Variants in PCDHA13 observed in about 807,000 individuals in gnomAD.
The protein encoded by PCDHA13 is protocadherin alpha-13.
A neutral mutation model predicts 64.8 loss-of-function variants in PCDHA13; 54 were observed. The observed-to-expected ratio is 0.83, with a 90% CI of 0.67 to 1.04. PCDHA13 has a LOEUF of 1.04. Among genes scored for constraint, PCDHA13 ranks in the 50% least tolerant of loss-of-function variants. PCDHA13 has a pLI of 0.00. For missense variants in PCDHA13, 1,248 were observed against 1,254.3 expected, an observed-to-expected ratio of 0.99 and a Z score of 0.08; for synonymous variants, 587 against 564.4, an observed-to-expected ratio of 1.04 and a Z score of -0.57.
chr5:140,925,337 AT>A (rs1197479455), intron 1 of PCDHA13, among the ~76,000 whole-genome samples: 1 of 152,072 alleles, frequency 6.6e-6, no homozygotes, highest in Non-Finnish European at 1.5e-5. Flanking sequence ...TAAAAGAAGG[AT>A]TTGAGTGAGG....
Position 140,883,534 on chromosome 5 carries a change from A to G in PCDHA13, c.1266A>G (p.Glu422=). 1 of 1,614,196 alleles carries G rather than the reference A, an allele frequency of 6.2e-7. No individual in the cohort carries two copies. The highest frequency in any genetic ancestry group is 8.5e-7 in the Non-Finnish European group (1 of 1,180,040). ...ACCGCGAGAGCGTATCAGCCTATGA[A>G]CTGGTGGTGACCGCGCGGGACGGGG... ...ALDRESVSAY[E]LVVTARDGGS... is the part of the protein sequence containing the mutation. Residue 422 remains glutamate, a synonymous_variant, in exon 1 of 4, where the codon GAA becomes GAG. Transcript: ENST00000289272.
chr5:140,929,549 T>G, intron 1 of PCDHA13: 1 of 500,966 alleles, frequency 2.0e-6, no homozygotes, highest in Non-Finnish European at 3.3e-6. Context: ...GGGCAAAAAT[T>G]AAAACCTATT....
chr5:140,931,259 CTATT>C (rs1407255574), intron 1 of PCDHA13, among the ~76,000 whole-genome samples: 2 of 152,080 alleles, frequency 1.3e-5, no homozygotes, highest in African/African-American at 4.8e-5. Flanking sequence ...AGAAATTTCA[CTATT>C]TATTTCTTTT....
intron 3 of PCDHA13, among the ~76,000 whole-genome samples, chr5:140,987,422 G>A (rs1554249178): frequency 6.6e-6 from 1 of 152,152 alleles, no homozygotes; most frequent in Non-Finnish European, 1.5e-5. Flanking sequence ...CTTGTGAGAA[G>A]CAGGGGGCCT....
At chr5:140,969,493 C>T (rs1240479958) in intron 1 of PCDHA13, 5 of 1,445,166 alleles carry the variant, frequency 3.5e-6, no homozygotes, top group Non-Finnish European at 4.6e-6. Flanking sequence ...GCTATTTCCT[C>T]TCTAGAAAAA....
intron 3 of PCDHA13, among the ~76,000 whole-genome samples, chr5:140,989,792 C>T (rs1324674581): frequency 6.6e-6 from 1 of 152,142 alleles, no homozygotes; most frequent in African/African-American, 2.4e-5. Flanking sequence ...CTAGAGGCCC[C>T]CAGGAAAGGG....
rs1164447924 is a variant in PCDHA13, at chr5:141,009,514, AT to A, written c.2543-108del. The A allele has an allele frequency of 1.5e-5, 22 of 1,501,204 alleles. 1 individual carries two copies. The South Asian group carries it at 1.9e-4, about 13-fold the overall frequency. 93.0% of individuals were successfully genotyped at this position (1,501,204 alleles called of 1,614,324 possible). ...CTCAGACTTGAACAAACAACTCGTG[AT>A]TTTTCTGGGGAGGTTCAGCCTGCCT... On this transcript the variant is annotated intron_variant, in intron 3 of 3. Coordinates refer to ENST00000289272, the MANE Select transcript of PCDHA13 (RefSeq NM_018904.3).
At chr5:140,973,004 G>A (rs1183511655) in intron 1 of PCDHA13, among the ~76,000 whole-genome samples, 4 of 152,096 alleles carry the variant, frequency 2.6e-5, no homozygotes, top group African/African-American at 9.7e-5. Flanking sequence ...ATTTGTGGTC[G>A]TGGTGTTGTG....
chr5:141,000,485 T>C (rs2097941579), intron 3 of PCDHA13, among the ~76,000 whole-genome samples: 2 of 135,980 alleles, frequency 1.5e-5, no homozygotes, highest in African/African-American at 5.5e-5. Flanking sequence ...TGGAGTGCAA[T>C]GGTAAGATCT....
chr5:140,982,499 C>T lies in PCDHA13; in HGVS notation c.2478C>T (p.Gly826=). The T allele has an allele frequency of 6.2e-7, 1 of 1,614,184 alleles. No individual in the cohort carries two copies. The highest frequency in any genetic ancestry group is 8.5e-7 in the Non-Finnish European group (1 of 1,180,024). The part of the protein sequence containing the change: ...MHSSVHLEEA[G]ILRAGPGGPD... Reference sequence around the variant, plus strand: ...GCTCTGTGCACCTAGAGGAGGCTGGCATTCTACGGGCTGGTCCAGGAGGGC... The same window carrying T: ...GCTCTGTGCACCTAGAGGAGGCTGGTATTCTACGGGCTGGTCCAGGAGGGC... The change falls in exon 3 of 4, where the codon GGC becomes GGT. Residue 826 remains glycine (G), a synonymous_variant. Transcript: ENST00000289272.
chr5:140,912,359 G>A (rs1483575347), intron 1 of PCDHA13, among the ~76,000 whole-genome samples: 1 of 131,950 alleles, frequency 7.6e-6, no homozygotes, highest in Non-Finnish European at 1.6e-5. Context: ...TTTTTTTTTT[G>A]CAGCTGTTGT....
Position 140,883,521 on chromosome 5 carries a change from T to G in PCDHA13, c.1253T>G (p.Val418Gly). Reference sequence around the variant, plus strand: ...GACAGCGCCCTGGACCGCGAGAGCGTATCAGCCTATGAACTGGTGGTGACC... The same window carrying G: ...GACAGCGCCCTGGACCGCGAGAGCGGATCAGCCTATGAACTGGTGGTGACC... ...VLDSALDRES[V>G]SAYELVVTAR... Residue 418 changes from valine (V) to glycine (G), a missense_variant, in exon 1 of 4, where the codon GTA (valine) becomes GGA (glycine). By Grantham distance (109) the Val-to-Gly change is moderately radical. Transcript: ENST00000289272. The G allele has an allele frequency of 6.2e-7, 1 of 1,614,202 alleles. No individual in the cohort carries two copies. The highest frequency in any genetic ancestry group is 8.5e-7 in the Non-Finnish European group (1 of 1,180,040).
chr5:140,934,703 A>G (rs1348150058), intron 1 of PCDHA13, among the ~76,000 whole-genome samples: 1 of 152,156 alleles, frequency 6.6e-6, no homozygotes, highest in Non-Finnish European at 1.5e-5. Flanking sequence ...ATTCCTGGCC[A>G]TCTTACAAAA....
chr5:140,980,734 T>C (rs2096903764), intron 2 of PCDHA13, among the ~76,000 whole-genome samples: 3 of 151,998 alleles, frequency 2.0e-5, no homozygotes, highest in African/African-American at 4.8e-5. Context: ...TAAGATATTA[T>C]GAGATTTGAG....
intron 3 of PCDHA13, among the ~76,000 whole-genome samples, chr5:140,993,449 CCTT>C (rs1214858534): frequency 1.4e-5 from 2 of 144,318 alleles, no homozygotes; most frequent in Non-Finnish European, 1.5e-5. Flanking sequence ...TTCCTGTTCT[CCTT>C]CTTTCTTTCT....
intron 3 of PCDHA13, among the ~76,000 whole-genome samples, chr5:141,005,572 C>T (rs548748234): frequency 4.6e-5 from 7 of 151,094 alleles, no homozygotes; most frequent in East Asian, 1.9e-4. Context: ...CATGGTGGCG[C>T]GTGCCTGTAG....
In PCDHA13 at chr5:140,969,339, A is replaced by G. The variant is rs1563390643; in HGVS notation, c.2395-9610A>G. On this transcript the variant is annotated intron_variant, in intron 1 of 3. Transcript: ENST00000289272. ...GCTGTTTCTCAAAATGAGGTGAGAC[A>G]GTGGTCAGGGGGTCTTCTACAAACT... 5 of 1,613,830 alleles carry G rather than the reference A, an allele frequency of 3.1e-6. No homozygotes were observed. The South Asian group carries it at 4.4e-5, about 14-fold the overall frequency.
chr5:140,995,284 G>A (rs1439846116), intron 3 of PCDHA13, among the ~76,000 whole-genome samples: 2 of 152,112 alleles, frequency 1.3e-5, no homozygotes, highest in African/African-American at 4.8e-5. Flanking sequence ...TACCAAAACA[G>A]CCAGTCGGAT....
intron 1 of PCDHA13, among the ~76,000 whole-genome samples, chr5:140,935,973 A>C (rs956262031): frequency 1.3e-5 from 2 of 150,786 alleles, no homozygotes; most frequent in Admixed American, 1.3e-4. Flanking sequence ...GCTCACTGCA[A>C]TCTCTGCCTC....
Sources: allele counts gnomAD v4.1 joint callset (sites outside exome capture counted in the v4.1 genomes callset), GRCh38; gene constraint gnomAD v4.1.1; transcripts MANE v1.5; gene names NCBI Gene and HGNC (gene_info 2026-07-23, HGNC 2026-07-21).